Variants in HEPHL1 observed in about 807,000 individuals in gnomAD.
HEPHL1 encodes hephaestin like 1.
Under a neutral mutation model 122.0 loss-of-function variants are expected in HEPHL1, and 123 were observed. The ratio of observed to expected loss-of-function variants is 1.01; its 90% confidence interval spans 0.87 to 1.17. The LOEUF (loss-of-function observed/expected upper bound fraction) is 1.17. HEPHL1 is among the 50% of genes most tolerant of loss of function. HEPHL1 has a pLI of 0.00. For synonymous variants in HEPHL1, 527 were observed against 508.9 expected, an observed-to-expected ratio of 1.04 and a Z score of -0.48; for missense variants, 1,452 against 1,430.5, an observed-to-expected ratio of 1.01 and a Z score of -0.24.
chr11:94,031,683 CTGGGGTTCT>C (rs998826047), intron 1 of HEPHL1, among the ~76,000 whole-genome samples: 4 of 152,192 alleles, frequency 2.6e-5, no homozygotes, highest in African/African-American at 4.8e-5. Context: ...CCTGTGATTC[CTGGGGTTCT>C]TCTCTAGTCA....
chr11:94,066,279 G>A lies in HEPHL1; in HGVS notation c.809-1217G>A, dbSNP rs1945785. On this transcript the variant is annotated intron_variant, in intron 4 of 19. Transcript: ENST00000315765. ...TCCTTCAAGACTGGAAAAGGGTGGGGTATTGTGGCACACGCCTGTAATCCC... is the reference window on the plus strand; with the variant it reads ...TCCTTCAAGACTGGAAAAGGGTGGGATATTGTGGCACACGCCTGTAATCCC... Among the ~76,000 whole-genome samples the A allele has an allele frequency of 7.0e-3, 1,072 of 152,306 alleles. 3 individuals are homozygous for A. The highest frequency in any genetic ancestry group is 9.5e-3 in the Non-Finnish European group (643 of 68,028).
At chr11:94,062,276 A>G (rs10831162) in intron 2 of HEPHL1, among the ~76,000 whole-genome samples, 76,249 of 152,004 alleles carry the variant, frequency 0.5, 19,926 homozygotes, top group South Asian at 0.59. Flanking sequence ...AATACTTTTC[A>G]TATGGGATTG....
At chr11:94,066,084 C>A (rs1294631663) in intron 4 of HEPHL1, among the ~76,000 whole-genome samples, 2 of 152,090 alleles carry the variant, frequency 1.3e-5, no homozygotes, top group African/African-American at 4.8e-5. Flanking sequence ...TGTGGTCCCA[C>A]CTACTTGTGA....
chr11:94,072,460 T>C (rs1565354760), intron 6 of HEPHL1, among the ~76,000 whole-genome samples: 2 of 152,138 alleles, frequency 1.3e-5, no homozygotes, highest in African/African-American at 2.4e-5. Flanking sequence ...GATGGCACCA[T>C]TGATGGAAAT....
intron 6 of HEPHL1, among the ~76,000 whole-genome samples, chr11:94,072,176 C>T (rs929801097): frequency 6.6e-6 from 1 of 152,012 alleles, no homozygotes; most frequent in East Asian, 1.9e-4. Context: ...ACCATTATGG[C>T]TTACTTTTGC....
intron 1 of HEPHL1, among the ~76,000 whole-genome samples, chr11:94,045,143 A>C (rs1022929050): frequency 1.3e-5 from 2 of 152,204 alleles, no homozygotes; most frequent in African/African-American, 4.8e-5. Flanking sequence ...CCTAGGCTCA[A>C]GAGATCTGCC....
At chr11:94,089,657 G>A (rs904669383) in intron 12 of HEPHL1, among the ~76,000 whole-genome samples, 1 of 152,106 alleles carries the variant, frequency 6.6e-6, no homozygotes, top group African/African-American at 2.4e-5. Flanking sequence ...CACTGGGATG[G>A]AGTTAAACAA....
chr11:94,084,798 T>C (rs1946202553), intron 10 of HEPHL1, among the ~76,000 whole-genome samples: 1 of 152,176 alleles, frequency 6.6e-6, no homozygotes, highest in Non-Finnish European at 1.5e-5. Flanking sequence ...TTTCATAAAA[T>C]GTGGTGTCCT....
At chr11:94,108,655 CT>C (rs534156462) in intron 17 of HEPHL1, among the ~76,000 whole-genome samples, 2 of 151,848 alleles carry the variant, frequency 1.3e-5, no homozygotes, top group Admixed American at 6.6e-5. Context: ...AAAAGATCAT[CT>C]TTTTTTCCCA....
At chr11:94,046,378 G>A (rs964120243) in intron 2 of HEPHL1, among the ~76,000 whole-genome samples, 18 of 151,226 alleles carry the variant, frequency 1.2e-4, no homozygotes, top group East Asian at 3.9e-4. Context: ...GATTACAGGC[G>A]TGAGCCACCA....
chr11:94,083,122 G>A (rs904097659), intron 10 of HEPHL1, among the ~76,000 whole-genome samples: 1 of 151,678 alleles, frequency 6.6e-6, no homozygotes, highest in African/African-American at 2.4e-5. Flanking sequence ...CAAGTTCACA[G>A]TATATCATAA....
At position 94,032,761 on chromosome 11, in the gene HEPHL1, A is replaced by G. The variant is rs1483660381; in HGVS notation, c.170+11223A>G. Among the ~76,000 whole-genome samples the G allele has an allele frequency of 2.6e-5, 4 of 152,168 alleles. No individual in the cohort carries two copies. The East Asian group carries it at 7.7e-4, about 29-fold the overall frequency. On this transcript the variant is annotated intron_variant, in intron 1 of 19. Coordinates refer to ENST00000315765, the MANE Select transcript of HEPHL1 (RefSeq NM_001098672.2). Reference sequence around the variant, plus strand: ...TGCCAGGGAAAGGCAGTCTCCCTATAGATAGAAAAAACCTGAAACTGGTGA... The same window carrying G: ...TGCCAGGGAAAGGCAGTCTCCCTATGGATAGAAAAAACCTGAAACTGGTGA...
intron 2 of HEPHL1, among the ~76,000 whole-genome samples, chr11:94,060,541 A>G (rs1054629161): frequency 2.0e-5 from 3 of 152,120 alleles, no homozygotes; most frequent in African/African-American, 7.2e-5. Context: ...ATCACCACCT[A>G]ACAGATAAGA....
At chr11:94,043,250 G>C (rs1181912657) in intron 1 of HEPHL1, among the ~76,000 whole-genome samples, 2 of 152,148 alleles carry the variant, frequency 1.3e-5, no homozygotes, top group African/African-American at 4.8e-5. Context: ...AAATTTAAGA[G>C]ATTAGAGGAA....
At chr11:94,036,284 A>C (rs1945722329) in intron 1 of HEPHL1, among the ~76,000 whole-genome samples, 1 of 152,208 alleles carries the variant, frequency 6.6e-6, no homozygotes, top group South Asian at 2.1e-4. Context: ...CCAAGGGTCT[A>C]TGAGTTTATA....
rs7117237 is a variant in HEPHL1, at chr11:94,043,997, G to A, written c.171-1676G>A. 9.3e-3 allele frequency among the ~76,000 whole-genome samples: 1,413 copies of A among 152,010 alleles called. 19 individuals carry two copies. Among genetic ancestry groups the A allele is most frequent in the African/African-American group, 0.032 (1,320 of 41,428 alleles). ...GCAGGAGTGTGTCTCAGAGTAAGAT[G>A]TGGCCTCTTACCCCCAAAAGGGACA... is the stretch of plus-strand genomic sequence containing the variant. On this transcript the variant is annotated intron_variant, in intron 1 of 19. Coordinates refer to ENST00000315765, the MANE Select transcript of HEPHL1 (RefSeq NM_001098672.2).
chr11:94,114,039 G>T lies in HEPHL1; in HGVS notation c.*2145G>T, dbSNP rs1946472409. Among the ~76,000 whole-genome samples the T allele has an allele frequency of 6.6e-6, 1 of 152,126 alleles. No homozygotes were observed. Among genetic ancestry groups the T allele is most frequent in the African/African-American group, 2.4e-5 (1 of 41,422 alleles). The stretch of plus-strand genomic sequence containing the variant: ...TACAATACACGTGTCCCTGCTCCTA[G>T]CAGGACAGTCTCTTCATTTGACTTT... On this transcript the variant is annotated 3_prime_UTR_variant, in exon 20 of 20. Coordinates refer to ENST00000315765, the MANE Select transcript of HEPHL1 (RefSeq NM_001098672.2).
chr11:94,110,910 A>T lies in HEPHL1; in HGVS notation c.3053A>T (p.Lys1018Ile). 1 of 1,611,608 alleles carries T rather than the reference A, an allele frequency of 6.2e-7. No homozygotes were observed. Among genetic ancestry groups the T allele is most frequent in the Non-Finnish European group, 8.5e-7 (1 of 1,178,624 alleles). The change falls in exon 18 of 20, where the codon AAA becomes ATA. Residue 1018 changes from lysine to isoleucine, a missense_variant. Transcript: ENST00000315765. ...HAESFLFKID[K>I]SYREDVYDLF... ...TTTAAAACGTTTTTGCAGATAGATA[A>T]ATCTTACCGAGAAGATGTGTATGAT...
chr11:94,021,426 G>A lies in HEPHL1; in HGVS notation c.58G>A (p.Gly20Arg). ...IFLLTFLGLS[G>R]LVGTVTRTYY... Reference sequence around the variant, plus strand: ...TCTCCTCACATTCCTGGGTCTGTCTGGGCTGGTTGGCACAGTTACCAGAAC... The same window carrying A: ...TCTCCTCACATTCCTGGGTCTGTCTAGGCTGGTTGGCACAGTTACCAGAAC... Residue 20 changes from glycine (G) to arginine (R), a missense_variant, in exon 1 of 20, where the codon GGG (glycine) becomes AGG (arginine). By Grantham distance (125) the Gly-to-Arg change is moderately radical (BLOSUM62 -2). Transcript: ENST00000315765. 2.5e-6 allele frequency: 4 copies of A among 1,613,736 alleles called. No individual in the cohort carries two copies. The highest frequency in any genetic ancestry group is 1.7e-6 in the Non-Finnish European group (2 of 1,179,706).
Sources: gnomAD v4.1 joint callset for allele counts (sites outside exome capture counted in the v4.1 genomes callset) on GRCh38, gnomAD v4.1.1 for gene constraint, MANE v1.5 for transcripts, NCBI Gene and HGNC (gene_info 2026-07-23, HGNC 2026-07-21) for gene names.